Variants in GABRB3 observed in about 807,000 individuals in gnomAD.
The protein encoded by GABRB3 is gamma-aminobutyric acid type A receptor subunit beta3.
Under a neutral mutation model 52.1 loss-of-function variants are expected in GABRB3, and 14 were observed. The ratio of observed to expected loss-of-function variants is 0.27; its 90% CI spans 0.18 to 0.42. The LOEUF is 0.42. Ranked by LOEUF, GABRB3 falls within the 10% of genes least tolerant of loss-of-function variation. GABRB3 has a pLI of 1.00. For synonymous variants in GABRB3, 260 were observed against 232.3 expected (o/e 1.12, Z -1.08); for missense variants, 307 against 609.1 (o/e 0.50, Z 5.22).
Position 26,621,981 on chromosome 15 carries a change from G to T in GABRB3, c.241-447C>A, listed in dbSNP as rs1892500902. Among the ~76,000 whole-genome samples, 1 of 152,030 alleles carries T rather than the reference G, an allele frequency of 6.6e-6. No homozygotes were observed. Among genetic ancestry groups the T allele is most frequent in the African/African-American group, 2.4e-5 (1 of 41,378 alleles). On this transcript the variant is annotated intron_variant, in intron 3 of 8. Transcript: ENST00000311550. This position sits in a 1 kb window ranked among gnomAD's most constrained non-coding sequence, Gnocchi z 4.1. The stretch of plus-strand genomic sequence containing the variant: ...CTGCAATTTGAGCCACTTTCCTCTG[G>T]TTCTGCCCTCCATGAGGGCTATAAA...
chr15:26,608,785 A>G (rs1326076320), intron 4 of GABRB3, among the ~76,000 whole-genome samples: 2 of 152,182 alleles, frequency 1.3e-5, no homozygotes, highest in African/African-American at 4.8e-5. Context: ...ACTAGTATCA[A>G]AAAGATGAAA....
intron 3 of GABRB3, among the ~76,000 whole-genome samples, chr15:26,622,625 C>T (rs754378214): frequency 1.3e-5 from 2 of 152,202 alleles, no homozygotes; most frequent in East Asian, 1.9e-4. Flanking sequence ...GAGAGCAAAT[C>T]GGTTGAAGAA....
At chr15:26,716,455 A>G (rs771356532) in intron 3 of GABRB3, among the ~76,000 whole-genome samples, 1 of 152,190 alleles carries the variant, frequency 6.6e-6, no homozygotes, top group Non-Finnish European at 1.5e-5. Context: ...GTATTTCACC[A>G]TGCAGCACCT....
intron 3 of GABRB3, among the ~76,000 whole-genome samples, chr15:26,751,087 T>C (rs901702486): frequency 1.3e-5 from 2 of 152,162 alleles, no homozygotes; most frequent in Non-Finnish European, 2.9e-5. Context: ...TAACAAAAGA[T>C]TGAAGAACTG....
At chr15:26,693,179 A>G (rs1888638615) in intron 3 of GABRB3, among the ~76,000 whole-genome samples, 1 of 152,204 alleles carries the variant, frequency 6.6e-6, no homozygotes, top group Non-Finnish European at 1.5e-5. Flanking sequence ...ACATTGTTTT[A>G]CTTGACTCTG....
At chr15:26,633,685 A>G (rs1892968077) in intron 3 of GABRB3, among the ~76,000 whole-genome samples, 1 of 152,316 alleles carries the variant, frequency 6.6e-6, no homozygotes, top group Non-Finnish European at 1.5e-5. Context: ...CGTCTGATTG[A>G]TAACACCCAA....
intron 3 of GABRB3, among the ~76,000 whole-genome samples, chr15:26,736,576 C>A (rs1890070709): frequency 6.6e-6 from 1 of 152,248 alleles, no homozygotes; most frequent in African/African-American, 2.4e-5. Flanking sequence ...GTGAGCTGCC[C>A]CTCGGCAGTG....
At chr15:26,754,431 T>C (rs1890600751) in intron 3 of GABRB3, among the ~76,000 whole-genome samples, 1 of 152,176 alleles carries the variant, frequency 6.6e-6, no homozygotes, top group Non-Finnish European at 1.5e-5. Flanking sequence ...TTTCTGGGCA[T>C]GCTGGAAGGA....
At chr15:26,662,193 C>T (rs1460565733) in intron 3 of GABRB3, among the ~76,000 whole-genome samples, 1 of 152,196 alleles carries the variant, frequency 6.6e-6, no homozygotes, top group Admixed American at 6.5e-5. Flanking sequence ...CCTCTTTCAT[C>T]TTTATCCACA....
chr15:26,660,603 C>T (rs1044275113), intron 3 of GABRB3, among the ~76,000 whole-genome samples: 1 of 152,176 alleles, frequency 6.6e-6, no homozygotes, highest in Non-Finnish European at 1.5e-5. Context: ...CACCACCACA[C>T]AGCAGCCAGA....
intron 3 of GABRB3, among the ~76,000 whole-genome samples, chr15:26,648,710 T>A (rs1410238131): frequency 6.6e-6 from 1 of 152,144 alleles, no homozygotes; most frequent in African/African-American, 2.4e-5. Context: ...AGAGAAACAG[T>A]GTCTGTAAAA....
At chr15:26,714,640 T>A (rs147732742) in intron 3 of GABRB3, among the ~76,000 whole-genome samples, 1 of 152,216 alleles carries the variant, frequency 6.6e-6, no homozygotes, top group Non-Finnish European at 1.5e-5. Flanking sequence ...GATATGCATT[T>A]ATCTCAGTGA....
intron 4 of GABRB3, among the ~76,000 whole-genome samples, chr15:26,611,158 A>G (rs989480671): frequency 6.6e-6 from 1 of 152,162 alleles, no homozygotes; most frequent in Non-Finnish European, 1.5e-5. Context: ...GTTTTGTATA[A>G]TATCTCAGTT....
intron 3 of GABRB3, among the ~76,000 whole-genome samples, chr15:26,668,957 A>G (rs1015294736): frequency 6.6e-6 from 1 of 152,208 alleles, no homozygotes; most frequent in Non-Finnish European, 1.5e-5. Context: ...TAATCACACC[A>G]TATCGAACAC....
At chr15:26,690,592 G>C (rs532312667) in intron 3 of GABRB3, among the ~76,000 whole-genome samples, 1 of 152,040 alleles carries the variant, frequency 6.6e-6, no homozygotes, top group South Asian at 2.1e-4. Flanking sequence ...TAGAGCTGGT[G>C]ATGGGTAGTG....
chr15:26,606,805 T>TATCGATAGATATATCGATAGATAG (rs1275882932), intron 4 of GABRB3, among the ~76,000 whole-genome samples: 1,735 of 117,986 alleles, frequency 0.015, 38 homozygotes, highest in South Asian at 0.023. Flanking sequence ...TAGATATATC[T>TATCGATAGATATATCGATAGATAG]ATAGATAGAT....
intron 6 of GABRB3, among the ~76,000 whole-genome samples, chr15:26,571,911 G>A (rs1490333098): frequency 2.6e-5 from 4 of 152,044 alleles, no homozygotes; most frequent in South Asian, 2.1e-4. Flanking sequence ...AGCCAGGCGT[G>A]GTGGCGGGTG....
At chr15:26,698,229 G>C (rs976353154) in intron 3 of GABRB3, among the ~76,000 whole-genome samples, 4 of 152,328 alleles carry the variant, frequency 2.6e-5, no homozygotes, top group South Asian at 2.1e-4. Context: ...CTTTGCCTCT[G>C]AGAATTAGAA....
chr15:26,660,055 C>T lies in GABRB3; in HGVS notation c.241-38521G>A, dbSNP rs377120503. ...GACCAACCCGGCCAACACGGTGAAA[C>T]TCGGTCTCTACTAAAAATACAAAAA... On this transcript the variant is annotated intron_variant, in intron 3 of 8. Coordinates refer to ENST00000311550, the MANE Select transcript of GABRB3 (RefSeq NM_000814.6). 4.6e-5 allele frequency among the ~76,000 whole-genome samples: 7 copies of T among 152,014 alleles called. No individual in the cohort carries two copies. The East Asian group carries it at 1.2e-3, about 25-fold the overall frequency.
Sources: allele counts gnomAD v4.1 joint callset (sites outside exome capture counted in the v4.1 genomes callset), GRCh38; gene constraint gnomAD v4.1.1; non-coding constraint Gnocchi (gnomAD v3.1); transcripts MANE v1.5; gene names NCBI Gene and HGNC (gene_info 2026-07-23, HGNC 2026-07-21).